The following DOCK2 variants were observed in gnomAD, a reference collection of about 807,000 sequenced individuals.
The protein encoded by DOCK2 is dedicator of cytokinesis protein 2.
Under a neutral mutation model 248.9 loss-of-function variants are expected in DOCK2, and 87 were observed. That is an observed-to-expected ratio of 0.35 (90% CI 0.29 to 0.42). DOCK2 has a LOEUF of 0.42. DOCK2 is among the 10% of genes least tolerant of loss of function. The pLI, the probability that DOCK2 is intolerant of heterozygous loss-of-function variation, is 1.00. For synonymous variants in DOCK2, 805 were observed against 821.6 expected, an observed-to-expected ratio of 0.98 and a Z score of 0.35; for missense variants, 1,747 against 2,300.2, an observed-to-expected ratio of 0.76 and a Z score of 4.92.
At chr5:170,056,639 G>A in intron 42 of DOCK2, 45 bp from the exon 43 acceptor site, 1 of 1,567,748 alleles carries the variant, frequency 6.4e-7, no homozygotes, top group Non-Finnish European at 8.8e-7. Context: ...GGTGTCAGCA[G>A]CCGGGGATGG....
intron 27 of DOCK2, among the ~76,000 whole-genome samples, chr5:169,976,347 C>T (rs957280222): frequency 1.3e-5 from 2 of 152,174 alleles, no homozygotes; most frequent in African/African-American, 4.8e-5. Flanking sequence ...GCTACCTGAC[C>T]TCCAGGTATC....
At chr5:169,802,952 A>T in intron 25 of DOCK2, 106 bp from the exon 26 acceptor site, 1 of 1,316,446 alleles carries the variant, frequency 7.6e-7, no homozygotes, top group Non-Finnish European at 1.0e-6. Flanking sequence ...TACAAGGAGA[A>T]TGTCTTCATG....
Position 169,754,844 on chromosome 5 carries a change from T to C in DOCK2, c.2377-4861T>C, listed in dbSNP as rs1466645674. On this transcript the variant is annotated intron_variant, in intron 23 of 51. Coordinates refer to ENST00000520908, the MANE Select transcript of DOCK2 (RefSeq NM_004946.3). ...TTAACATTTTCCACTCATAGAGTAG[T>C]TGAAAGAATTAAATGAGATCATGCA... Among the ~76,000 whole-genome samples, 4 of 152,186 alleles carry C rather than the reference T, an allele frequency of 2.6e-5. No homozygotes were observed. In the East Asian group the frequency reaches 5.8e-4, roughly 22 times the overall value.
At chr5:170,037,518 C>T (rs1213799291) in intron 36 of DOCK2, among the ~76,000 whole-genome samples, 4 of 144,126 alleles carry the variant, frequency 2.8e-5, no homozygotes, top group African/African-American at 1.0e-4. Context: ...CAGAGTTTCG[C>T]TCTTGTTGCC....
intron 34 of DOCK2, among the ~76,000 whole-genome samples, chr5:170,033,855 T>C (rs948954730): frequency 1.3e-4 from 20 of 152,232 alleles, no homozygotes; most frequent in Admixed American, 1.2e-3. Flanking sequence ...CCCAGACATA[T>C]TGAATCTCTC....
chr5:170,036,674 C>T (rs1180471387), intron 36 of DOCK2, 119 bp downstream of exon 36: 1 of 913,348 alleles, frequency 1.1e-6, no homozygotes, highest in Non-Finnish European at 1.6e-6. Flanking sequence ...ACATTCAGGC[C>T]CTCTGTGTTC....
At position 169,927,433 on chromosome 5, in the gene DOCK2, A is replaced by C. The variant is rs1166020191; in HGVS notation, c.2800-55635A>C. Among the ~76,000 whole-genome samples the C allele has an allele frequency of 3.3e-5, 5 of 152,346 alleles. No homozygotes were observed. The South Asian group carries it at 6.2e-4, about 19-fold the overall frequency. ...TAAGTTTGCATGTGGTGCCGATGCT[A>C]CTGGGCCAGAGACCAGACTTTGAGA... On this transcript the variant is annotated intron_variant, in intron 27 of 51. Coordinates refer to ENST00000520908, the MANE Select transcript of DOCK2 (RefSeq NM_004946.3).
chr5:170,081,631 G>A (rs375595881), intron 50 of DOCK2: 6 of 596,264 alleles, frequency 1.0e-5, no homozygotes, highest in Admixed American at 6.7e-5. Flanking sequence ...CTGAACCCTT[G>A]TCTGTAGGGT....
rs186580942 is a variant in DOCK2 at position 169,743,990 on chromosome 5, A to G, written c.2268-3406A>G. ...TCCTAGAATTGTTTTTTTATCCTTT[A>G]TAAGACTTAGGCAGGTGCAGGATAT... On this transcript the variant is annotated intron_variant, in intron 22 of 51. Transcript: ENST00000520908. Among the ~76,000 whole-genome samples the G allele has an allele frequency of 5.9e-4, 89 of 151,212 alleles. 1 individual carries two copies. Among genetic ancestry groups the G allele is most frequent in the African/African-American group, 2.1e-3 (87 of 41,336 alleles).
intron 49 of DOCK2, 115 bp from the exon 50 acceptor site, chr5:170,080,047 CA>C (rs1370381508): frequency 4.6e-6 from 7 of 1,532,114 alleles, no homozygotes; most frequent in Non-Finnish European, 6.2e-6. Context: ...AACTTGGAGC[CA>C]GCTTCATAGA....
intron 27 of DOCK2, among the ~76,000 whole-genome samples, chr5:169,861,939 T>TTC (rs1771226161): frequency 1.6e-5 from 1 of 62,274 alleles, no homozygotes; most frequent in South Asian, 6.0e-4. Flanking sequence ...TTTTCTTTTC[T>TTC]TTTTTTTTTG....
intron 27 of DOCK2, among the ~76,000 whole-genome samples, chr5:169,903,077 A>G (rs1774031502): frequency 6.6e-6 from 1 of 151,650 alleles, no homozygotes; most frequent in Non-Finnish European, 1.5e-5. Context: ...CAGCCTGGCG[A>G]CAGAGCAAGA....
In DOCK2 at chr5:169,763,209, G is replaced by A. The variant is rs1025548655; in HGVS notation, c.2554+1584G>A. ...GTGTCACTGTGCCTTTTTAAAGTGA[G>A]ACTTCCATGGTTTTAAAGTTCTGAT... On this transcript the variant is annotated intron_variant, in intron 25 of 51. Transcript: ENST00000520908. This position sits in a 1 kb window ranked among gnomAD's most constrained non-coding sequence, Gnocchi z 4.1. Among the ~76,000 whole-genome samples, 4 of 152,176 alleles carry A rather than the reference G, an allele frequency of 2.6e-5. No homozygotes were observed. The highest frequency in any genetic ancestry group is 4.8e-5 in the African/African-American group (2 of 41,426).
chr5:169,638,724 G>C (rs1177996964), intron 1 of DOCK2, among the ~76,000 whole-genome samples: 1 of 152,206 alleles, frequency 6.6e-6, no homozygotes, highest in Non-Finnish European at 1.5e-5. Flanking sequence ...TGAGACTGTA[G>C]TATTTCATGG....
Position 169,731,138 on chromosome 5 carries a change from G to A in DOCK2, c.2267+12347G>A, listed in dbSNP as rs535199006. Among the ~76,000 whole-genome samples the A allele has an allele frequency of 1.9e-4, 29 of 152,306 alleles. No homozygotes were observed. In the East Asian group the frequency reaches 5.2e-3, roughly 27 times the overall value. Reference sequence around the variant, plus strand: ...CCACCTCAGTCTCCCAAAATGCTGAGAGTACAGGTGTGAGCCACCACACCC... The same window carrying A: ...CCACCTCAGTCTCCCAAAATGCTGAAAGTACAGGTGTGAGCCACCACACCC... On this transcript the variant is annotated intron_variant, in intron 22 of 51. Transcript: ENST00000520908.
At chr5:169,681,688 C>T (rs1290867364) in intron 6 of DOCK2, 56 bp from the exon 7 acceptor site, 2 of 1,592,832 alleles carry the variant, frequency 1.3e-6, no homozygotes, top group African/African-American at 1.4e-5. Flanking sequence ...AAGCTTCTCA[C>T]CAGTGACCTA....
intron 25 of DOCK2, among the ~76,000 whole-genome samples, chr5:169,773,383 A>T (rs768162024): frequency 1.4e-4 from 21 of 152,176 alleles, no homozygotes; most frequent in Non-Finnish European, 2.6e-4. Context: ...CTACAATTTA[A>T]TTAGGGGAGA....
At chr5:169,672,545 A>G (rs1334113519) in intron 5 of DOCK2, among the ~76,000 whole-genome samples, 3 of 152,232 alleles carry the variant, frequency 2.0e-5, no homozygotes, top group Non-Finnish European at 4.4e-5. Flanking sequence ...ATAAAGAATG[A>G]GATAGCATGC....
chr5:169,664,029 G>T (rs1758589143), intron 2 of DOCK2, among the ~76,000 whole-genome samples: 1 of 152,134 alleles, frequency 6.6e-6, no homozygotes, highest in African/African-American at 2.4e-5. Context: ...TCCAATTTCA[G>T]ACCATCTCTT....
Sources: gnomAD v4.1 joint callset for allele counts (sites outside exome capture counted in the v4.1 genomes callset) on GRCh38, gnomAD v4.1.1 for gene constraint, Gnocchi (gnomAD v3.1) non-coding constraint, MANE v1.5 for transcripts, NCBI Gene and HGNC (gene_info 2026-07-23, HGNC 2026-07-21) for gene names.